Variants in TMEM132E observed in about 807,000 individuals in gnomAD.
TMEM132E encodes the protein transmembrane protein 132E.
TMEM132E carries 49 observed loss-of-function variants against 78.5 expected under a neutral mutation model. That is an observed-to-expected ratio of 0.62 (90% CI 0.50 to 0.79). The LOEUF is 0.79. Among genes scored for constraint, TMEM132E ranks in the 30% least tolerant of loss-of-function variants. TMEM132E has a pLI of 0.00. For synonymous variants in TMEM132E, 715 were observed against 670.6 expected, an observed-to-expected ratio of 1.07 and a Z score of -1.02; for missense variants, 1,403 against 1,470.9, an observed-to-expected ratio of 0.95 and a Z score of 0.75.
chr17:34,602,234 C>A (rs980161292), intron 1 of TMEM132E, among the ~76,000 whole-genome samples: 1 of 152,234 alleles, frequency 6.6e-6, no homozygotes, highest in Admixed American at 6.5e-5. Context: ...AATGAACAAT[C>A]GTGCTGCTTT....
rs1298259521 is a variant in TMEM132E, at chr17:34,626,111, CTCTG to C, written c.68-9_68-6del. The C allele has an allele frequency of 6.7e-7, 1 of 1,491,116 alleles. No homozygotes were observed. The highest frequency in any genetic ancestry group is 8.9e-7 in the Non-Finnish European group (1 of 1,124,384). The allele number at this position is 1,491,116 out of a possible 1,614,324, so 92.4% of individuals were successfully genotyped here. On this transcript the variant is annotated splice_polypyrimidine_tract_variant and intron_variant, in intron 1 of 8. Transcript: ENST00000631683. ...CTCCTGACCACCCTGGGCCTCTTTCCTCTGTCTGTCCCCAGCCTCTGGCCGCTCC... is the reference window on the plus strand; with the variant it reads ...CTCCTGACCACCCTGGGCCTCTTTCCTCTGTCCCCAGCCTCTGGCCGCTCC...
chr17:34,581,061 CG>C lies in TMEM132E; in HGVS notation c.-15del. The stretch of plus-strand genomic sequence containing the variant: ...GACTGTTGCTCTCTCGGACCCCTCC[CG>C]CCCCCGCCTCGGCCATGGCCCCGGG... On this transcript the variant is annotated 5_prime_UTR_variant, in exon 1 of 9. Transcript: ENST00000631683. 6.5e-7 allele frequency: 1 copy of C among 1,541,688 alleles called. No individual in the cohort carries two copies. The highest frequency in any genetic ancestry group is 8.7e-7 in the Non-Finnish European group (1 of 1,149,902).
At chr17:34,591,178 G>A (rs1365344020) in intron 1 of TMEM132E, among the ~76,000 whole-genome samples, 1 of 152,176 alleles carries the variant, frequency 6.6e-6, no homozygotes, top group African/African-American at 2.4e-5. Flanking sequence ...AGAGCAGAAG[G>A]GACATGCCTG....
intron 1 of TMEM132E, among the ~76,000 whole-genome samples, chr17:34,614,163 C>A (rs1365597962): frequency 6.6e-6 from 1 of 152,124 alleles, no homozygotes; most frequent in African/African-American, 2.4e-5. Context: ...ACCAGGCAGC[C>A]GGGTGGTAGG....
In TMEM132E at chr17:34,580,074, C is replaced by T; in HGVS notation, c.-1003C>T. ...CGAGGCGGGGCAGCGCGCCTCTCTG[C>T]CGAGACAGCGAGACCTTAGCGGGGT... On this transcript the variant is annotated 5_prime_UTR_variant, in exon 1 of 9. Transcript: ENST00000631683. The T allele has an allele frequency of 6.5e-6, 1 of 152,682 alleles. No homozygotes were observed. Among genetic ancestry groups the T allele is most frequent in the Non-Finnish European group, 1.5e-5 (1 of 68,314 alleles). 9.5% of individuals were successfully genotyped at this position (152,682 alleles called of 1,614,324 possible).
chr17:34,634,619 G>GA (rs1907452681), intron 6 of TMEM132E, among the ~76,000 whole-genome samples, 180 bp from the exon 7 acceptor site: 1 of 152,228 alleles, frequency 6.6e-6, no homozygotes, highest in African/African-American at 2.4e-5. Context: ...TTCTAGGAGA[G>GA]AAAAGGCTGG....
chr17:34,624,086 C>G (rs1157577245), intron 1 of TMEM132E, among the ~76,000 whole-genome samples: 3 of 152,170 alleles, frequency 2.0e-5, no homozygotes, highest in Non-Finnish European at 2.9e-5. Flanking sequence ...ACCCCGAGGG[C>G]CTTTGTCATG....
intron 1 of TMEM132E, among the ~76,000 whole-genome samples, chr17:34,590,377 C>G (rs1202312679): frequency 6.6e-6 from 1 of 152,222 alleles, no homozygotes; most frequent in Non-Finnish European, 1.5e-5. Context: ...CTGCTGTCCT[C>G]ACTTCCACAT....
At position 34,637,413 on chromosome 17, in the gene TMEM132E, C is replaced by T. The variant is rs971747150; in HGVS notation, c.2406C>T (p.Leu802=). The T allele has an allele frequency of 3.6e-5, 58 of 1,613,622 alleles. No homozygotes were observed. The highest frequency in any genetic ancestry group is 6.7e-5 in the East Asian group (3 of 44,888). Residue 802 remains leucine, a synonymous_variant, in exon 9 of 9, where the codon CTC becomes CTT. Coordinates refer to ENST00000631683, the MANE Select transcript of TMEM132E (RefSeq NM_001304438.2). ...SCQKTKRKSV[L]ATTPVGLRVH... ...AGAAAACCAAACGCAAGAGTGTGCT[C>T]GCCACGACCCCTGTGGGCCTGCGGG... is the stretch of plus-strand genomic sequence containing the variant.
chr17:34,623,170 G>A (rs996660514), intron 1 of TMEM132E, among the ~76,000 whole-genome samples: 1 of 152,200 alleles, frequency 6.6e-6, no homozygotes, highest in South Asian at 2.1e-4. Flanking sequence ...CTCCCCCAGG[G>A]GGGGTGAGGG....
At chr17:34,594,803 T>A (rs1290782965) in intron 1 of TMEM132E, among the ~76,000 whole-genome samples, 1 of 152,184 alleles carries the variant, frequency 6.6e-6, no homozygotes, top group Admixed American at 6.5e-5. Context: ...ATTCTAATGA[T>A]GTTATCCAAG....
intron 1 of TMEM132E, among the ~76,000 whole-genome samples, chr17:34,618,460 G>A (rs896513136): frequency 2.7e-4 from 41 of 150,274 alleles, no homozygotes; most frequent in African/African-American, 9.8e-4. Flanking sequence ...TCAAACTCCT[G>A]GTCTCAAGCG....
chr17:34,629,443 G>A (rs141146685), intron 4 of TMEM132E, among the ~76,000 whole-genome samples: 93 of 152,298 alleles, frequency 6.1e-4, no homozygotes, highest in African/African-American at 2.1e-3. Context: ...ACCATGGAGG[G>A]ACCACTGATG....
intron 1 of TMEM132E, among the ~76,000 whole-genome samples, chr17:34,588,594 C>T (rs1369869437): frequency 6.6e-6 from 1 of 152,184 alleles, no homozygotes; most frequent in African/African-American, 2.4e-5. Context: ...ACAAAAATCC[C>T]TGCATTCATG....
chr17:34,601,466 A>T (rs1432804534), intron 1 of TMEM132E, among the ~76,000 whole-genome samples: 1 of 152,160 alleles, frequency 6.6e-6, no homozygotes, highest in African/African-American at 2.4e-5. Context: ...CTCTGGCTGG[A>T]GGCTGTCTTT....
At chr17:34,632,566 G>A in intron 5 of TMEM132E, 138 bp from the exon 6 acceptor site, 1 of 791,426 alleles carries the variant, frequency 1.3e-6, no homozygotes. Context: ...AGGAATCAGT[G>A]CTTCCTTCCA....
chr17:34,581,751 C>T (rs1263162864), intron 1 of TMEM132E, among the ~76,000 whole-genome samples: 1 of 151,622 alleles, frequency 6.6e-6, no homozygotes, highest in Non-Finnish European at 1.5e-5. Context: ...CCGCACAGGC[C>T]GGGGCGGTGG....
In TMEM132E at chr17:34,638,041, C is replaced by A; in HGVS notation, c.3034C>A (p.Arg1012=). 1 of 1,577,020 alleles carries A rather than the reference C, an allele frequency of 6.3e-7. No homozygotes were observed. The highest frequency in any genetic ancestry group is 8.6e-7 in the Non-Finnish European group (1 of 1,161,390). ...CAGCTCGCCCACCTCCAAGCGCAAG[C>A]GGGTCAAGTTCACCACCTTCACCAC... The part of the protein sequence containing the change: ...PASSPTSKRK[R]VKFTTFTTLP... Residue 1012 remains arginine (R), a synonymous_variant, in exon 9 of 9, where the codon CGG becomes AGG. Transcript: ENST00000631683.
chr17:34,635,219 A>G lies in TMEM132E; in HGVS notation c.1977+132A>G, dbSNP rs552577297. 32 of 1,086,570 alleles carry G rather than the reference A, an allele frequency of 2.9e-5. 1 individual carries two copies. The South Asian group carries it at 5.3e-4, about 18-fold the overall frequency. The allele number at this position is 1,086,570 out of a possible 1,614,324, so 67.3% of individuals were successfully genotyped here. A position where few individuals can be genotyped will look rare whatever the true frequency, so the allele number is the denominator to read the frequency against. On this transcript the variant is annotated intron_variant, in intron 7 of 8. Coordinates refer to ENST00000631683, the MANE Select transcript of TMEM132E (RefSeq NM_001304438.2). Reference sequence around the variant, plus strand: ...CTTCCCTGCCTGCCCCTTGTCTGAAATTCCAAGGTCAGGCTCTTTTAGCTT... The same window carrying G: ...CTTCCCTGCCTGCCCCTTGTCTGAAGTTCCAAGGTCAGGCTCTTTTAGCTT...
Sources: allele counts gnomAD v4.1 joint callset (sites outside exome capture counted in the v4.1 genomes callset), GRCh38; gene constraint gnomAD v4.1.1; transcripts MANE v1.5; gene names NCBI Gene and HGNC (gene_info 2026-07-23, HGNC 2026-07-21).